TOPBP1: variants seen among roughly 807,000 people sequenced by gnomAD.
The protein encoded by TOPBP1 is DNA topoisomerase II binding protein 1, also known as DNA topoisomerase 2-binding protein 1.
TOPBP1 carries 28 observed loss-of-function variants against 167.7 expected under a neutral mutation model. The ratio of observed to expected loss-of-function variants is 0.17; its 90% CI spans 0.12 to 0.23. TOPBP1 has a LOEUF of 0.23. TOPBP1 is among the 10% of genes least tolerant of loss of function. The probability of loss-of-function intolerance (pLI) is 1.00; values close to 1 mark genes in which losing one functional copy is unlikely to be tolerated. For missense variants in TOPBP1, 1,554 were observed against 1,809.6 expected (o/e 0.86, Z 2.56); for synonymous variants, 598 against 611.4 (o/e 0.98, Z 0.32).
At chr3:133,653,609 T>G (rs969165655) in intron 6 of TOPBP1, 85 bp from the exon 7 acceptor site, 2 of 1,192,226 alleles carry the variant, frequency 1.7e-6, no homozygotes, top group Non-Finnish European at 1.1e-6. Flanking sequence ...GCAGAAATAT[T>G]CAAATTATAA....
Position 133,612,483 on chromosome 3 carries a change from C to T in TOPBP1, c.3941G>A (p.Arg1314Gln), listed in dbSNP as rs574919679. 3.1e-6 allele frequency: 5 copies of T among 1,613,952 alleles called. No individual in the cohort carries two copies. Among genetic ancestry groups the T allele is most frequent in the South Asian group, 2.2e-5 (2 of 91,080 alleles). The change falls in exon 24 of 28, where the codon CGA becomes CAA. Residue 1314 changes from arginine (R) to glutamine (Q), a missense_variant. Arg to Gln is a conservative substitution (Grantham distance 43). This residue lies in a region of TOPBP1 where 351 missense variants were observed against 432.9 expected (regional missense o/e 0.81). Transcript: ENST00000260810. ...CACTGAGGCTAAATACTTCTCGTTT[C>T]GAAGTGGATGTCCCACAACAATGTG... Reference protein sequence around the residue: ...CTHIVVGHPLRNEKYLASVAA... With the variant: ...CTHIVVGHPLQNEKYLASVAA...
rs187273984 is a variant in TOPBP1 at position 133,656,028 on chromosome 3, C to T, written c.546-542G>A. Among the ~76,000 whole-genome samples, 420 of 150,824 alleles carry T rather than the reference C, an allele frequency of 2.8e-3. 1 individual carries two copies. The highest frequency in any genetic ancestry group is 9.6e-3 in the African/African-American group (392 of 41,024). On this transcript the variant is annotated intron_variant, in intron 5 of 27. Transcript: ENST00000260810. ...GTTGAAAACAAGCCCAGAAAAGTGC[C>T]GATATAATTCGTATGCCAATACAAT...
At chr3:133,604,086 A>G (rs1258552957) in intron 27 of TOPBP1, among the ~76,000 whole-genome samples, 3 of 151,926 alleles carry the variant, frequency 2.0e-5, no homozygotes, top group Admixed American at 2.0e-4. Flanking sequence ...TAAGCCAGTT[A>G]TAAATGAACA....
chr3:133,617,190 G>A lies in TOPBP1; in HGVS notation c.3729C>T (p.Asn1243=), dbSNP rs984613236. 1.9e-6 allele frequency: 3 copies of A among 1,613,240 alleles called. No homozygotes were observed. The highest frequency in any genetic ancestry group is 2.5e-6 in the Non-Finnish European group (3 of 1,179,694). Reference sequence around the variant, plus strand: ...CTCTAGGGTGCGGAGCCACAGGGGGGTTGGCGAGTGGAAAGGCAATACTGG... The same window carrying A: ...CTCTAGGGTGCGGAGCCACAGGGGGATTGGCGAGTGGAAAGGCAATACTGG... ...QAPSIAFPLA[N]PPVAPHPREK... is the part of the protein sequence containing the mutation. Residue 1243 remains asparagine, a synonymous_variant, in exon 22 of 28, where the codon AAC becomes AAT. Coordinates refer to ENST00000260810, the MANE Select transcript of TOPBP1 (RefSeq NM_007027.4).
At position 133,603,672 on chromosome 3, in the gene TOPBP1, A is replaced by AATATAT. The variant is rs1400770518; in HGVS notation, c.4426-2280_4426-2279insATATAT. On this transcript the variant is annotated intron_variant, in intron 27 of 27. Coordinates refer to ENST00000260810, the MANE Select transcript of TOPBP1 (RefSeq NM_007027.4). ...AATTATATATGGGTAAACAACTAGCAACAAAGTTTGAAATAAATGGGGTAA... is the reference window on the plus strand; with the variant it reads ...AATTATATATGGGTAAACAACTAGCAATATATACAAAGTTTGAAATAAATGGGGTAA... Among the ~76,000 whole-genome samples the AATATAT allele has an allele frequency of 6.6e-4, 98 of 149,246 alleles. 3 individuals carry two copies. Among genetic ancestry groups the AATATAT allele is most frequent in the Middle Eastern group, 3.6e-3 (1 of 278 alleles).
chr3:133,655,543 A>G (rs1399754278), intron 5 of TOPBP1, 57 bp from the exon 6 acceptor site: 2 of 973,630 alleles, frequency 2.1e-6, no homozygotes, highest in African/African-American at 3.4e-5. Flanking sequence ...AGAATAATGA[A>G]AAACAACACA....
rs1022358977 is a variant in TOPBP1, at chr3:133,604,610, A to G, written c.4426-3217T>C. On this transcript the variant is annotated intron_variant, in intron 27 of 27. Coordinates refer to ENST00000260810, the MANE Select transcript of TOPBP1 (RefSeq NM_007027.4). ...CTGTATCTAGTAAAGAAAATTCGTT[A>G]CAAAAAACCACATATAAAGAAAACT... 7.9e-5 allele frequency among the ~76,000 whole-genome samples: 12 copies of G among 152,032 alleles called. No homozygotes were observed. In the East Asian group the frequency reaches 2.3e-3, roughly 29 times the overall value.
chr3:133,616,866 T>C lies in TOPBP1; in HGVS notation c.3819A>G (p.Ser1273=). 2 of 1,561,624 alleles carry C rather than the reference T, an allele frequency of 1.3e-6. No individual in the cohort carries two copies. Among genetic ancestry groups the C allele is most frequent in the Middle Eastern group, 1.7e-4 (1 of 5,932 alleles). Residue 1273 remains serine, a synonymous_variant, in exon 23 of 28, where the codon TCA becomes TCG. Coordinates refer to ENST00000260810, the MANE Select transcript of TOPBP1 (RefSeq NM_007027.4). ...CAATACGTTCTTGAGGATTCAGAGA[T>C]GATAACTGAAATATGTACTGTTTTT... ...ELKKQYIFQL[S]SLNPQERIDY...
Position 133,649,467 on chromosome 3 carries a change from T to C in TOPBP1, c.1420A>G (p.Lys474Glu). ...LLKKKNSSFS[K>E]KDFAPSEKHE... ...TTTTCACTAGGAGCAAAGTCTTTCT[T>C]AGAGAAGCTGCTGTTCTTCTTTTTT... Residue 474 changes from lysine (K) to glutamate (E), a missense_variant, in exon 10 of 28, where the codon AAG (lysine) becomes GAG (glutamate). This residue lies in a region of TOPBP1 where 1,197 missense variants were observed against 1,351.5 expected (regional missense o/e 0.89). Transcript: ENST00000260810. 6.2e-7 allele frequency: 1 copy of C among 1,613,946 alleles called. No individual in the cohort carries two copies. The highest frequency in any genetic ancestry group is 2.2e-5 in the East Asian group (1 of 44,864).
intron 12 of TOPBP1, among the ~76,000 whole-genome samples, chr3:133,641,819 A>G (rs1246792469): frequency 1.3e-5 from 2 of 152,252 alleles, no homozygotes; most frequent in African/African-American, 2.4e-5. Context: ...ATTATTTCAT[A>G]TAATTCAAAC....
rs778606269 is a variant in TOPBP1 at position 133,652,589 on chromosome 3, A to G, written c.963T>C (p.Asn321=). The part of the protein sequence containing the change: ...LSDVSNISNI[N]ASCVSESICN... The stretch of plus-strand genomic sequence containing the variant: ...ATATTGATTCACTTACGCAACTTGC[A>G]TTTATGTTGGAAATATTGCTGACAT... The change falls in exon 8 of 28, where the codon AAT becomes AAC. Residue 321 remains asparagine, a synonymous_variant. Transcript: ENST00000260810. The G allele has an allele frequency of 7.4e-6, 12 of 1,611,098 alleles. No homozygotes were observed. In the East Asian group the frequency reaches 2.7e-4, roughly 36 times the overall value.
rs1934250994 is a variant in TOPBP1, at chr3:133,600,404, A to AT, written c.*845dup. 6.6e-6 allele frequency: 1 copy of AT among 151,572 alleles called. No homozygotes were observed. Among genetic ancestry groups the AT allele is most frequent in the Admixed American group, 6.6e-5 (1 of 15,200 alleles). The allele number at this position is 151,572 out of a possible 1,614,324, so 9.4% of individuals were successfully genotyped here. The stretch of plus-strand genomic sequence containing the variant: ...AGGCATGTGCCACCACACTGGGCTA[A>AT]TTTTTTGTATTTTTAGTACAGATGA... On this transcript the variant is annotated 3_prime_UTR_variant, in exon 28 of 28. Transcript: ENST00000260810.
chr3:133,626,834 G>T (rs765659210), intron 16 of TOPBP1, among the ~76,000 whole-genome samples: 21 of 152,240 alleles, frequency 1.4e-4, no homozygotes, highest in Non-Finnish European at 2.1e-4. Flanking sequence ...AATTATAAAA[G>T]TAGGTAGGTT....
At chr3:133,651,944 G>A (rs1341084271) in intron 8 of TOPBP1, among the ~76,000 whole-genome samples, 1 of 151,992 alleles carries the variant, frequency 6.6e-6, no homozygotes, top group Non-Finnish European at 1.5e-5. Flanking sequence ...TCCAAACCTG[G>A]GCAACATAGT....
chr3:133,622,310 C>T (rs1162728048), intron 19 of TOPBP1, among the ~76,000 whole-genome samples: 1 of 151,242 alleles, frequency 6.6e-6, no homozygotes, highest in Non-Finnish European at 1.5e-5. Context: ...CCTGCCTCAG[C>T]CTCCCGAGTA....
chr3:133,644,054 G>A lies in TOPBP1; in HGVS notation c.1814C>T (p.Ala605Val), dbSNP rs745555181. 3.7e-6 allele frequency: 6 copies of A among 1,608,808 alleles called. No individual in the cohort carries two copies. The highest frequency in any genetic ancestry group is 1.7e-5 in the Admixed American group (1 of 59,004). Residue 605 changes from alanine to valine, a missense_variant, in exon 11 of 28, where the codon GCC becomes GTC. Coordinates refer to ENST00000260810, the MANE Select transcript of TOPBP1 (RefSeq NM_007027.4). ...ATTTGTAACAACTTCTCCCACAGTG[G>A]CTTCCACTTCACACCCCAGCAGAGG... The part of the protein sequence containing the change: ...VVPLLGCEVE[A>V]TVGEVVTNTW...
At position 133,610,974 on chromosome 3, in the gene TOPBP1, T is replaced by A. The variant is rs749737664; in HGVS notation, c.4173+30A>T. On this transcript the variant is annotated intron_variant, in intron 25 of 27. Coordinates refer to ENST00000260810, the MANE Select transcript of TOPBP1 (RefSeq NM_007027.4). ...AAGAGTCACAATATTGAATGCTATT[T>A]GTATTACCTATATAATTGTGTTTTA... The A allele has an allele frequency of 2.2e-5, 34 of 1,561,482 alleles. 1 individual carries two copies. Among genetic ancestry groups the A allele is most frequent in the Middle Eastern group, 3.4e-4 (2 of 5,850 alleles).
chr3:133,623,281 G>A, intron 18 of TOPBP1, 30 bp downstream of exon 18: 1 of 1,612,930 alleles, frequency 6.2e-7, no homozygotes, highest in Non-Finnish European at 8.5e-7. Flanking sequence ...TAGCTTAAGA[G>A]GGGGTAAATG....
chr3:133,657,030 A>G (rs1463448718), intron 4 of TOPBP1, among the ~76,000 whole-genome samples, 173 bp from the exon 5 acceptor site: 1 of 152,146 alleles, frequency 6.6e-6, no homozygotes. Context: ...AGTATGAATT[A>G]TATTTTTAAA....
Sources: gnomAD v4.1 joint callset for allele counts (sites outside exome capture counted in the v4.1 genomes callset) on GRCh38, gnomAD v4.1.1 for gene constraint, gnomAD v4.1.1 regional missense constraint, MANE v1.5 for transcripts, NCBI Gene and HGNC (gene_info 2026-07-23, HGNC 2026-07-21) for gene names.